The following LSAMP variants were observed in gnomAD, a reference collection of about 807,000 sequenced individuals.
LSAMP encodes the protein limbic system-associated membrane protein.
LSAMP carries 7 observed loss-of-function variants against 38.6 expected under a neutral mutation model. That is an observed-to-expected ratio of 0.18 (90% CI 0.10 to 0.34). The LOEUF is 0.34. LSAMP is among the 10% of genes least tolerant of loss of function. LSAMP has a pLI of 1.00. For synonymous variants in LSAMP, 154 were observed against 166.8 expected, an observed-to-expected ratio of 0.92 and a Z score of 0.59; for missense variants, 313 against 420.0, an observed-to-expected ratio of 0.75 and a Z score of 2.23.
chr3:115,921,855 A>T (rs1196094241), intron 3 of LSAMP, among the ~76,000 whole-genome samples: 2 of 152,074 alleles, frequency 1.3e-5, no homozygotes, highest in African/African-American at 4.8e-5. Flanking sequence ...TTTTTCTGTT[A>T]GTACTTCACA....
At chr3:115,908,786 G>C (rs143573862) in intron 3 of LSAMP, among the ~76,000 whole-genome samples, 1 of 152,246 alleles carries the variant, frequency 6.6e-6, no homozygotes, top group Non-Finnish European at 1.5e-5. Context: ...AGGTGTCAGA[G>C]ACTTTACAGC....
At chr3:116,032,550 G>C (rs747277544) in intron 2 of LSAMP, among the ~76,000 whole-genome samples, 13 of 152,164 alleles carry the variant, frequency 8.5e-5, no homozygotes, top group African/African-American at 3.1e-4. Flanking sequence ...GCTTATGTCT[G>C]TAATCCCAGC....
intron 1 of LSAMP, among the ~76,000 whole-genome samples, chr3:116,301,032 G>T (rs1348230983): frequency 6.6e-6 from 1 of 151,780 alleles, no homozygotes; most frequent in Non-Finnish European, 1.5e-5. Context: ...ACCTTAAAAT[G>T]AAAAAAGCTA....
At chr3:116,212,296 A>T (rs898725784) in intron 1 of LSAMP, among the ~76,000 whole-genome samples, 1 of 152,200 alleles carries the variant, frequency 6.6e-6, no homozygotes, top group African/African-American at 2.4e-5. Flanking sequence ...CCCTAAACAA[A>T]TTTTAAAGAT....
intron 1 of LSAMP, among the ~76,000 whole-genome samples, chr3:116,272,714 C>A (rs2046990696): frequency 6.6e-6 from 1 of 151,936 alleles, no homozygotes; most frequent in Admixed American, 6.6e-5. Context: ...GATATTGAAC[C>A]CCACAGGTTC....
At chr3:115,984,710 G>A (rs1939461635) in intron 3 of LSAMP, among the ~76,000 whole-genome samples, 1 of 152,204 alleles carries the variant, frequency 6.6e-6, no homozygotes, top group South Asian at 2.1e-4. Flanking sequence ...TTCTAGTGTA[G>A]CTCCTTTGAG....
intron 1 of LSAMP, among the ~76,000 whole-genome samples, chr3:116,297,374 C>T (rs556694750): frequency 5.5e-4 from 84 of 152,118 alleles, no homozygotes; most frequent in African/African-American, 2.0e-3. Flanking sequence ...TAGTGAGATC[C>T]CTAGCTGACA....
chr3:116,273,670 A>T, intron 1 of LSAMP, among the ~76,000 whole-genome samples: 1 of 112,172 alleles, frequency 8.9e-6, no homozygotes, highest in Non-Finnish European at 1.8e-5. Flanking sequence ...CCACCAAGAG[A>T]AAGAGAAAGA....
At chr3:116,305,184 C>T (rs986947083) in intron 1 of LSAMP, among the ~76,000 whole-genome samples, 49 of 152,098 alleles carry the variant, frequency 3.2e-4, no homozygotes, top group Non-Finnish European at 1.3e-4. Context: ...CTATAGTTCC[C>T]TCATAATATG....
At chr3:116,178,096 CGTGTGT>C (rs10662261) in intron 1 of LSAMP, among the ~76,000 whole-genome samples, 196 of 150,138 alleles carry the variant, frequency 1.3e-3, no homozygotes, top group African/African-American at 4.5e-3. Flanking sequence ...GTCTTGTGTA[CGTGTGT>C]GTGTGTGTGT....
At chr3:116,069,144 G>A (rs373836307) in intron 2 of LSAMP, among the ~76,000 whole-genome samples, 8 of 152,136 alleles carry the variant, frequency 5.3e-5, no homozygotes, top group African/African-American at 1.9e-4. Context: ...ACAAAACACG[G>A]ACCCTAACAG....
intron 3 of LSAMP, among the ~76,000 whole-genome samples, chr3:115,865,416 T>C (rs1354581923): frequency 6.6e-6 from 1 of 152,234 alleles, no homozygotes; most frequent in Non-Finnish European, 1.5e-5. Context: ...AATAAGTCTC[T>C]GTAGATGTCT....
At chr3:116,177,685 GA>G (rs1384842304) in intron 1 of LSAMP, among the ~76,000 whole-genome samples, 1 of 152,056 alleles carries the variant, frequency 6.6e-6, no homozygotes, top group Non-Finnish European at 1.5e-5. Context: ...AGTTTCATGA[GA>G]AAAAAAGTGA....
chr3:115,985,843 G>A (rs535033311), intron 3 of LSAMP, among the ~76,000 whole-genome samples: 160 of 152,266 alleles, frequency 1.1e-3, no homozygotes, highest in African/African-American at 3.6e-3. Flanking sequence ...CACAGCTGAC[G>A]GTTTGGTTGC....
At chr3:115,940,874 A>G (rs1937896178) in intron 3 of LSAMP, among the ~76,000 whole-genome samples, 2 of 152,200 alleles carry the variant, frequency 1.3e-5, no homozygotes, top group African/African-American at 4.8e-5. Context: ...TGTGATACAA[A>G]GAAGCTTTGT....
At chr3:116,195,371 G>A (rs541821541) in intron 1 of LSAMP, among the ~76,000 whole-genome samples, 1 of 151,928 alleles carries the variant, frequency 6.6e-6, no homozygotes, top group African/African-American at 2.4e-5. Context: ...TTTTTTTCAG[G>A]CTTTCTATTA....
chr3:115,838,864 G>T (rs1399524189), intron 6 of LSAMP, among the ~76,000 whole-genome samples: 1 of 152,170 alleles, frequency 6.6e-6, no homozygotes, highest in Non-Finnish European at 1.5e-5. Context: ...TGGTGGATAC[G>T]GCTGAAAATG....
chr3:116,413,173 AC>A (rs2049002743), intron 1 of LSAMP, among the ~76,000 whole-genome samples: 1 of 152,086 alleles, frequency 6.6e-6, no homozygotes, highest in Non-Finnish European at 1.5e-5. Flanking sequence ...CATTAAAACC[AC>A]AAATTTCTTG....
At chr3:116,353,147 G>A (rs959896663) in intron 1 of LSAMP, among the ~76,000 whole-genome samples, 1 of 152,014 alleles carries the variant, frequency 6.6e-6, no homozygotes, top group Non-Finnish European at 1.5e-5. Context: ...AAGACATTAG[G>A]TTCATGAGAC....
Sources: gnomAD v4.1 joint callset for allele counts (sites outside exome capture counted in the v4.1 genomes callset) on GRCh38, gnomAD v4.1.1 for gene constraint, MANE v1.5 for transcripts, NCBI Gene and HGNC (gene_info 2026-07-23, HGNC 2026-07-21) for gene names.